The following EP400 variants were observed in gnomAD, a reference collection of about 807,000 sequenced individuals.
The protein encoded by EP400 is E1A-binding protein p400.
EP400 carries 105 observed loss-of-function variants against 354.1 expected under a neutral mutation model. The observed-to-expected ratio is 0.30, with a 90% confidence interval of 0.25 to 0.35. The LOEUF is 0.35. EP400 is among the 10% of genes least tolerant of loss of function. EP400 has a pLI of 1.00. For synonymous variants in EP400, 1,646 were observed against 1,716.9 expected (o/e 0.96, Z 1.02); for missense variants, 3,280 against 4,121.0 (o/e 0.80, Z 5.59).
In EP400 at chr12:132,027,345, G is replaced by GT. The variant is rs1894340318; in HGVS notation, c.5015-91dup. ...GAATGACTTTCTGTGGAGTGTGCTG[G>GT]TGGAGGGTGAGGTTCCATGGAGCAT... On this transcript the variant is annotated intron_variant, in intron 25 of 52. Transcript: ENST00000389561. This position sits in a 1 kb window ranked among gnomAD's most constrained non-coding sequence, Gnocchi z 4.9. 7.9e-7 allele frequency: 1 copy of GT among 1,271,668 alleles called. No homozygotes were observed. The highest frequency in any genetic ancestry group is 1.5e-5 in the African/African-American group (1 of 68,424). 78.8% of individuals were successfully genotyped at this position (1,271,668 alleles called of 1,614,324 possible). A position where few individuals can be genotyped will look rare whatever the true frequency, so the allele number is the denominator to read the frequency against.
rs539659717 is a variant in EP400, at chr12:131,961,480, G to A, written c.861G>A (p.Pro287=). 3.5e-5 allele frequency: 55 copies of A among 1,562,398 alleles called. No individual in the cohort carries two copies. Among genetic ancestry groups the A allele is most frequent in the Admixed American group, 5.6e-5 (3 of 53,864 alleles). ...VQQQQVLQGP[P]LPRPLGFERT... ...AGCAGCAGGTGCTGCAGGGGCCGCC[G>A]CTGCCCCGGCCCCTGGGCTTCGAGA... is the stretch of plus-strand genomic sequence containing the variant. Residue 287 remains proline, a synonymous_variant, in exon 2 of 53, where the codon CCG becomes CCA. Transcript: ENST00000389561.
chr12:132,030,053 T>C lies in EP400; in HGVS notation c.5649T>C (p.Ile1883=), dbSNP rs1342263949. Residue 1883 remains isoleucine (I), a synonymous_variant, in exon 29 of 53, where the codon ATT becomes ATC. Transcript: ENST00000389561. ...KLKSEGRRVL[I]LSQMILMLDI... ...AATCTGAAGGACGTCGGGTGCTGATTTTATCACAGATGATTCTTATGTTGG... is the reference window on the plus strand; with the variant it reads ...AATCTGAAGGACGTCGGGTGCTGATCTTATCACAGATGATTCTTATGTTGG... 14 of 1,614,132 alleles carry C rather than the reference T, an allele frequency of 8.7e-6. No individual in the cohort carries two copies. Among genetic ancestry groups the C allele is most frequent in the Non-Finnish European group, 1.1e-5 (13 of 1,180,056 alleles).
Position 132,018,429 on chromosome 12 carries a change from C to T in EP400, c.4277+53C>T. 1 of 1,555,928 alleles carries T rather than the reference C, an allele frequency of 6.4e-7. No homozygotes were observed. The highest frequency in any genetic ancestry group is 1.4e-5 in the African/African-American group (1 of 72,346). Reference sequence around the variant, plus strand: ...GGGTTGGCTCCCAGGGCCCCCACAGCTGACCCAGGTCTATGCGTGGTGAAA... The same window carrying T: ...GGGTTGGCTCCCAGGGCCCCCACAGTTGACCCAGGTCTATGCGTGGTGAAA... On this transcript the variant is annotated intron_variant, in intron 21 of 52. Transcript: ENST00000389561. The surrounding 1 kb of genome is among the most constrained non-coding windows in gnomAD (Gnocchi z 4.0).
intron 48 of EP400, chr12:132,065,847 G>C (rs572838891): frequency 6.6e-6 from 1 of 152,256 alleles, no homozygotes; most frequent in Non-Finnish European, 1.5e-5. Flanking sequence ...CAGGGTACCG[G>C]GTTCTTGTTG....
intron 45 of EP400, among the ~76,000 whole-genome samples, chr12:132,055,752 G>A (rs1895485574): frequency 6.8e-6 from 1 of 147,862 alleles, no homozygotes; most frequent in African/African-American, 2.5e-5. Flanking sequence ...GTGTAGGAGG[G>A]TATGTGTGTG....
At position 132,073,437 on chromosome 12, in the gene EP400, C is replaced by T. The variant is rs1380395161; in HGVS notation, c.9022-3079C>T. ...CATCTCAAATGCTGCTGTTAGTGTG[C>T]GTTTTAATTCTGTCCCTTTTCCTTT... On this transcript the variant is annotated intron_variant, in intron 51 of 52. Transcript: ENST00000389561. 3.6e-4 allele frequency among the ~76,000 whole-genome samples: 50 copies of T among 137,242 alleles called. 1 individual carries two copies. The highest frequency in any genetic ancestry group is 1.4e-3 in the African/African-American group (45 of 32,184). The allele number at this position is 137,242 out of a possible 152,430, so 90.0% of individuals were successfully genotyped here. A position where few individuals can be genotyped will look rare whatever the true frequency, so the allele number is the denominator to read the frequency against.
chr12:132,070,203 G>A lies in EP400; in HGVS notation c.9021+562G>A, dbSNP rs1185119493. On this transcript the variant is annotated intron_variant, in intron 51 of 52. Transcript: ENST00000389561. This position sits in a 1 kb window ranked among gnomAD's most constrained non-coding sequence, Gnocchi z 4.1. ...CCACCCTCCTGGAGTTGGTTTTTGG[G>A]TATGAGATAGAAACAGGAATTCAGT... 6.6e-6 allele frequency among the ~76,000 whole-genome samples: 1 copy of A among 152,130 alleles called. No individual in the cohort carries two copies. Among genetic ancestry groups the A allele is most frequent in the Non-Finnish European group, 1.5e-5 (1 of 68,032 alleles).
At position 131,990,723 on chromosome 12, in the gene EP400, C is replaced by G. The variant is rs754236933; in HGVS notation, c.2629+9C>G. ...GAAAGTTTCCAGGAGAGGTAGGACC[C>G]TTTAAAAAAAGGCTCACCACGCTTG... On this transcript the variant is annotated intron_variant, in intron 9 of 52. Coordinates refer to ENST00000389561, the MANE Select transcript of EP400 (RefSeq NM_015409.5). This position sits in a 1 kb window ranked among gnomAD's most constrained non-coding sequence, Gnocchi z 4.2. 1 of 1,595,640 alleles carries G rather than the reference C, an allele frequency of 6.3e-7. No individual in the cohort carries two copies. The highest frequency in any genetic ancestry group is 8.5e-7 in the Non-Finnish European group (1 of 1,171,692).
chr12:132,037,839 G>A (rs1235955910), intron 31 of EP400, 46 bp downstream of exon 31: 1 of 1,609,626 alleles, frequency 6.2e-7, no homozygotes, highest in East Asian at 2.2e-5. Flanking sequence ...CCGCCATGCG[G>A]CGCGTGGAAT....
intron 2 of EP400, among the ~76,000 whole-genome samples, chr12:131,977,022 C>T (rs971459312): frequency 6.6e-6 from 1 of 152,238 alleles, no homozygotes; most frequent in African/African-American, 2.4e-5. Context: ...TTACCGTGTT[C>T]TATTCCCTTC....
chr12:132,001,693 C>T (rs1013280016), intron 12 of EP400, among the ~76,000 whole-genome samples: 3 of 152,166 alleles, frequency 2.0e-5, no homozygotes, highest in Non-Finnish European at 2.9e-5. Flanking sequence ...CAGATCCTGG[C>T]GTTACCGCTA....
In EP400 at chr12:132,044,710, A is replaced by T; in HGVS notation, c.6625A>T (p.Met2209Leu). The change falls in exon 36 of 53, where the codon ATG becomes TTG. Residue 2209 changes from methionine (M) to leucine (L), a missense_variant. Physicochemically the swap from Met to Leu is conservative, Grantham distance 15. Around this residue, in one of 20 missense-constraint regions of EP400, gnomAD observed 231 missense variants for 257.9 expected, o/e 0.90. Coordinates refer to ENST00000389561, the MANE Select transcript of EP400 (RefSeq NM_015409.5). ...YEDVDGQTEV[M>L]PLWTPPTPPQ... ...AGATGTCGATGGGCAGACAGAAGTC[A>T]TGCCGGTGAGTGCTGCCCTCTCCCT... is the stretch of plus-strand genomic sequence containing the variant. 6.2e-7 allele frequency: 1 copy of T among 1,614,216 alleles called. No homozygotes were observed. The highest frequency in any genetic ancestry group is 8.5e-7 in the Non-Finnish European group (1 of 1,180,050).
In EP400 at chr12:132,077,951, G is replaced by A. The variant is rs1051393912; in HGVS notation, c.*278G>A. The A allele has an allele frequency of 1.3e-5, 6 of 457,774 alleles. No homozygotes were observed. Among genetic ancestry groups the A allele is most frequent in the Middle Eastern group, 5.7e-4 (1 of 1,768 alleles). 28.4% of individuals were successfully genotyped at this position (457,774 alleles called of 1,614,324 possible). A position where few individuals can be genotyped will look rare whatever the true frequency, so the allele number is the denominator to read the frequency against. On this transcript the variant is annotated 3_prime_UTR_variant, in exon 53 of 53. Coordinates refer to ENST00000389561, the MANE Select transcript of EP400 (RefSeq NM_015409.5). ...CACCTTTCAGTCCCCACCCGCACCC[G>A]TCCCCTAGAGCCATAGTACTGTGTT...
In EP400 at chr12:132,078,961, C is replaced by G. The variant is rs1303741199; in HGVS notation, c.*1288C>G. 6.6e-6 allele frequency: 1 copy of G among 152,192 alleles called. No homozygotes were observed. Among genetic ancestry groups the G allele is most frequent in the African/African-American group, 2.4e-5 (1 of 41,438 alleles). The allele number at this position is 152,192 out of a possible 1,614,324, so 9.4% of individuals were successfully genotyped here. A position where few individuals can be genotyped will look rare whatever the true frequency, so the allele number is the denominator to read the frequency against. ...GAAGTTTTCACCAAAGCAAAAAGGT[C>G]CATATCCAATAGTATCCTTTGTGCT... On this transcript the variant is annotated 3_prime_UTR_variant, in exon 53 of 53. Transcript: ENST00000389561.
rs1892994268 is a variant in EP400, at chr12:131,990,389, A to G, written c.2551-247A>G. On this transcript the variant is annotated intron_variant, in intron 8 of 52. Transcript: ENST00000389561. This position sits in a 1 kb window ranked among gnomAD's most constrained non-coding sequence, Gnocchi z 4.2. ...TTCAGGGTTAGCGTGAGTCACCACC[A>G]CGGTTACTTCTAGAGCGGTCGCTCG... Among the ~76,000 whole-genome samples the G allele has an allele frequency of 6.6e-6, 1 of 152,198 alleles. No homozygotes were observed. Among genetic ancestry groups the G allele is most frequent in the Non-Finnish European group, 1.5e-5 (1 of 68,036 alleles).
rs376444090 is a variant in EP400 at position 132,069,647 on chromosome 12, C to T, written c.9021+6C>T. The T allele has an allele frequency of 1.5e-5, 25 of 1,613,758 alleles. No individual in the cohort carries two copies. The highest frequency in any genetic ancestry group is 4.4e-5 in the South Asian group (4 of 91,062). On this transcript the variant is annotated splice_donor_region_variant and intron_variant, in intron 51 of 52. Coordinates refer to ENST00000389561, the MANE Select transcript of EP400 (RefSeq NM_015409.5). ...AAGTGCAGACCCAGATCCAGGTGAG[C>T]GGGGAACAGGGTGAGGGCCCGAGTG...
intron 2 of EP400, among the ~76,000 whole-genome samples, chr12:131,966,922 A>C (rs1277703792): frequency 6.6e-6 from 1 of 151,020 alleles, no homozygotes; most frequent in East Asian, 1.9e-4. Flanking sequence ...AAAAAAAAAA[A>C]AAACCTATGT....
rs371363461 is a variant in EP400, at chr12:132,048,950, A to C, written c.7201-1373A>C. Reference sequence around the variant, plus strand: ...TAACCTGTATTTTAGGAATCAACAGAAACCTGAGACCTAGAATTTTCTCCA... The same window carrying C: ...TAACCTGTATTTTAGGAATCAACAGCAACCTGAGACCTAGAATTTTCTCCA... On this transcript the variant is annotated intron_variant, in intron 39 of 52. Coordinates refer to ENST00000389561, the MANE Select transcript of EP400 (RefSeq NM_015409.5). 1.1e-4 allele frequency among the ~76,000 whole-genome samples: 17 copies of C among 152,342 alleles called. No individual in the cohort carries two copies. In the East Asian group the frequency reaches 2.5e-3, roughly 22 times the overall value.
At chr12:132,016,443 A>G (rs1187295076) in intron 19 of EP400, among the ~76,000 whole-genome samples, 1 of 151,916 alleles carries the variant, frequency 6.6e-6, no homozygotes, top group Non-Finnish European at 1.5e-5. Flanking sequence ...ATCTGGGCTC[A>G]CTGCAACCTC....
Sources: allele counts gnomAD v4.1 joint callset (sites outside exome capture counted in the v4.1 genomes callset), GRCh38; gene constraint gnomAD v4.1.1; regional missense constraint gnomAD v4.1.1; non-coding constraint Gnocchi (gnomAD v3.1); transcripts MANE v1.5; gene names NCBI Gene and HGNC (gene_info 2026-07-23, HGNC 2026-07-21).